Variants in WNT4 observed in about 807,000 individuals in gnomAD.
WNT4 encodes Wnt family member 4, also known as protein Wnt-4.
In WNT4, 16 loss-of-function variants were observed where a neutral mutation model predicts 34.5. The ratio of observed to expected loss-of-function variants is 0.46; its 90% confidence interval spans 0.31 to 0.70. WNT4 has a LOEUF of 0.70. Among genes scored for constraint, WNT4 ranks in the 30% least tolerant of loss-of-function variants. The probability of loss-of-function intolerance (pLI) is 0.04; values close to 1 mark genes in which losing one functional copy is unlikely to be tolerated. For synonymous variants in WNT4, 200 were observed against 211.9 expected (o/e 0.94, Z 0.49); for missense variants, 379 against 495.9 (o/e 0.76, Z 2.24).
At chr1:22,128,861 A>T (rs1318911606) in intron 2 of WNT4, among the ~76,000 whole-genome samples, 2 of 151,952 alleles carry the variant, frequency 1.3e-5, no homozygotes, top group Non-Finnish European at 2.9e-5. Context: ...CTGGGACTAC[A>T]GGCGCCCGCC....
Position 22,119,823 on chromosome 1 carries a change from T to A in WNT4, c.*227A>T. On this transcript the variant is annotated 3_prime_UTR_variant, in exon 5 of 5. Coordinates refer to ENST00000290167, the MANE Select transcript of WNT4 (RefSeq NM_030761.5). ...CGGGCAGCCAGCGGCACGAGCAAGG[T>A]CCCTTTGGTCAGTGGCAGCCACAAA... 1 of 604,308 alleles carries A rather than the reference T, an allele frequency of 1.7e-6. No individual in the cohort carries two copies. Among genetic ancestry groups the A allele is most frequent in the Non-Finnish European group, 2.9e-6 (1 of 342,794 alleles). The allele number at this position is 604,308 out of a possible 1,614,324, so 37.4% of individuals were successfully genotyped here. A position where few individuals can be genotyped will look rare whatever the true frequency, so the allele number is the denominator to read the frequency against.
Position 22,134,076 on chromosome 1 carries a change from G to C in WNT4, c.78-4225C>G, listed in dbSNP as rs1646003738. Among the ~76,000 whole-genome samples the C allele has an allele frequency of 6.6e-6, 1 of 152,272 alleles. No individual in the cohort carries two copies. ...GGGACGGGAAATAGCTGGAGCGTTTGGGAGGCCAAGCAGATCAGTGTCGTG... is the reference window on the plus strand; with the variant it reads ...GGGACGGGAAATAGCTGGAGCGTTTCGGAGGCCAAGCAGATCAGTGTCGTG... On this transcript the variant is annotated intron_variant, in intron 1 of 4. Transcript: ENST00000290167. The surrounding 1 kb of genome is among the most constrained non-coding windows in gnomAD (Gnocchi z 4.1).
chr1:22,125,823 C>T (rs1221596254), intron 2 of WNT4, among the ~76,000 whole-genome samples: 4 of 152,166 alleles, frequency 2.6e-5, no homozygotes, highest in African/African-American at 7.2e-5. Flanking sequence ...CTTTGCCAGG[C>T]GCTATGGCCT....
Position 22,122,636 on chromosome 1 carries a change from C to G in WNT4, c.314-1060G>C, listed in dbSNP as rs58543510. Reference sequence around the variant, plus strand: ...AGGGCCTCTGTACGCTGTGACTGTCCTTCTGTCTCTTGCCTGAGTGTCTGT... The same window carrying G: ...AGGGCCTCTGTACGCTGTGACTGTCGTTCTGTCTCTTGCCTGAGTGTCTGT... On this transcript the variant is annotated intron_variant, in intron 2 of 4. Coordinates refer to ENST00000290167, the MANE Select transcript of WNT4 (RefSeq NM_030761.5). 1.8e-4 allele frequency among the ~76,000 whole-genome samples: 27 copies of G among 152,146 alleles called. 1 individual carries two copies. The South Asian group carries it at 5.6e-3, about 32-fold the overall frequency.
At chr1:22,120,766 C>T (rs927935499) in intron 4 of WNT4, among the ~76,000 whole-genome samples, 1 of 152,164 alleles carries the variant, frequency 6.6e-6, no homozygotes, top group Non-Finnish European at 1.5e-5. Flanking sequence ...GGGTGGTGTC[C>T]TATCAACAGT....
At position 22,119,253 on chromosome 1, in the gene WNT4, C is replaced by T. The variant is rs1242885781; in HGVS notation, c.*797G>A. On this transcript the variant is annotated 3_prime_UTR_variant, in exon 5 of 5. Transcript: ENST00000290167. ...GTTTCAGTTTCATGGAGGAACAGCG[C>T]TGTGAAAGGTGACTCGGGCATGACT... 1 of 150,162 alleles carries T rather than the reference C, an allele frequency of 6.7e-6. No individual in the cohort carries two copies. The highest frequency in any genetic ancestry group is 1.4e-5 in the Non-Finnish European group (1 of 69,538). The allele number at this position is 150,162 out of a possible 1,614,324, so 9.3% of individuals were successfully genotyped here.
In WNT4 at chr1:22,134,582, A is replaced by C. The variant is rs559978720; in HGVS notation, c.78-4731T>G. ...CCAAATGTCATCCTTGTGTTGCTTGAAGCAAGTTAGTGAACACCTCTGAGC... is the reference window on the plus strand; with the variant it reads ...CCAAATGTCATCCTTGTGTTGCTTGCAGCAAGTTAGTGAACACCTCTGAGC... On this transcript the variant is annotated intron_variant, in intron 1 of 4. Coordinates refer to ENST00000290167, the MANE Select transcript of WNT4 (RefSeq NM_030761.5). This position sits in a 1 kb window ranked among gnomAD's most constrained non-coding sequence, Gnocchi z 4.1. Among the ~76,000 whole-genome samples the C allele has an allele frequency of 1.3e-5, 2 of 152,278 alleles. No homozygotes were observed. The highest frequency in any genetic ancestry group is 2.9e-5 in the Non-Finnish European group (2 of 67,996).
In WNT4 at chr1:22,120,380, A is replaced by C; in HGVS notation, c.726T>G (p.Thr242=). ...HALKEKFDGA[T]EVEPRRVGSS... ...AGCCCACGCGGCGTGGCTCCACCTCAGTGGCACCATCAAACTTCTCCTTCA... is the reference window on the plus strand; with the variant it reads ...AGCCCACGCGGCGTGGCTCCACCTCCGTGGCACCATCAAACTTCTCCTTCA... The change falls in exon 5 of 5, where the codon ACT becomes ACG. Residue 242 remains threonine (T), a synonymous_variant. Transcript: ENST00000290167. 1 of 1,614,160 alleles carries C rather than the reference A, an allele frequency of 6.2e-7. No homozygotes were observed. The highest frequency in any genetic ancestry group is 2.2e-5 in the East Asian group (1 of 44,878).
chr1:22,123,522 T>C (rs1324737378), intron 2 of WNT4, among the ~76,000 whole-genome samples: 5 of 152,224 alleles, frequency 3.3e-5, no homozygotes, highest in Non-Finnish European at 7.3e-5. Flanking sequence ...TACAGACAGC[T>C]TACCATGTGC....
rs930278882 is a variant in WNT4, at chr1:22,143,054, C to G, written c.-132G>C. On this transcript the variant is annotated 5_prime_UTR_variant, in exon 1 of 5. Coordinates refer to ENST00000290167, the MANE Select transcript of WNT4 (RefSeq NM_030761.5). ...GGCTCTGCCTCCGTGTGCCTGCCGG[C>G]AGCCTGCCCGCTGCTGCGCCCGCTG... The G allele has an allele frequency of 5.0e-5, 13 of 258,842 alleles. No homozygotes were observed. The highest frequency in any genetic ancestry group is 2.7e-4 in the Admixed American group (4 of 14,824). 16.0% of individuals were successfully genotyped at this position (258,842 alleles called of 1,614,324 possible). A position where few individuals can be genotyped will look rare whatever the true frequency, so the allele number is the denominator to read the frequency against.
chr1:22,120,167 G>A lies in WNT4; in HGVS notation c.939C>T (p.Arg313=), dbSNP rs144341542. ...IDGCELLCCG[R]GFHTAQVELA... ...GCTCCACCTGCGCCGTGTGGAAGCC[G>A]CGGCCACAGCACAGCAGCTCACAGC... Residue 313 remains arginine, a synonymous_variant, in exon 5 of 5, where the codon CGC becomes CGT. Transcript: ENST00000290167. The A allele has an allele frequency of 5.9e-5, 96 of 1,613,622 alleles. No homozygotes were observed. The highest frequency in any genetic ancestry group is 2.0e-4 in the Admixed American group (12 of 60,014).
At position 22,120,354 on chromosome 1, in the gene WNT4, G is replaced by A. The variant is rs1291760008; in HGVS notation, c.752C>T (p.Ser251Phe). 1.9e-6 allele frequency: 3 copies of A among 1,614,230 alleles called. 1 individual carries two copies. The South Asian group carries it at 3.3e-5, about 18-fold the overall frequency. The change falls in exon 5 of 5, where the codon TCC (serine) becomes TTC (phenylalanine). Residue 251 changes from serine to phenylalanine, a missense_variant. Ser to Phe is a radical substitution (Grantham distance 155). Coordinates refer to ENST00000290167, the MANE Select transcript of WNT4 (RefSeq NM_030761.5). ...GTTGCGTGGCACCAGTGCCCTGGAG[G>A]AGCCCACGCGGCGTGGCTCCACCTC... ...ATEVEPRRVG[S>F]SRALVPRNAQ...
rs563363918 is a variant in WNT4, at chr1:22,119,294, G to T, written c.*756C>A. ...GGGCATGACTGCAAAGGCACAGCCG[G>T]GATCCCTGGTCCAGGATGGCAGCCT... On this transcript the variant is annotated 3_prime_UTR_variant, in exon 5 of 5. Coordinates refer to ENST00000290167, the MANE Select transcript of WNT4 (RefSeq NM_030761.5). 6.5e-6 allele frequency: 1 copy of T among 152,992 alleles called. No homozygotes were observed. Among genetic ancestry groups the T allele is most frequent in the Non-Finnish European group, 1.4e-5 (1 of 69,120 alleles). The allele number at this position is 152,992 out of a possible 1,614,324, so 9.5% of individuals were successfully genotyped here.
chr1:22,138,608 T>G (rs369006022), intron 1 of WNT4, among the ~76,000 whole-genome samples: 2 of 152,226 alleles, frequency 1.3e-5, no homozygotes, highest in East Asian at 3.8e-4. Flanking sequence ...TGTGAAGTAC[T>G]GTGGGGGTGT....
At position 22,140,860 on chromosome 1, in the gene WNT4, CCT is replaced by C. The variant is rs1646060790; in HGVS notation, c.77+1984_77+1985del. Among the ~76,000 whole-genome samples the C allele has an allele frequency of 3.3e-5, 5 of 152,334 alleles. No homozygotes were observed. In the South Asian group the frequency reaches 1.0e-3, roughly 32 times the overall value. On this transcript the variant is annotated intron_variant, in intron 1 of 4. Coordinates refer to ENST00000290167, the MANE Select transcript of WNT4 (RefSeq NM_030761.5). This position sits in a 1 kb window ranked among gnomAD's most constrained non-coding sequence, Gnocchi z 5.9. ...CCGTTGCAGAGAACAGGTTTGCCAA[CCT>C]CTCTTCTCCTAGGCTGCCCCTCCTC...
Position 22,120,412 on chromosome 1 carries a change from G to T in WNT4, c.694C>A (p.His232Asn), listed in dbSNP as rs1244811010. Reference sequence around the variant, plus strand: ...CCATCAAACTTCTCCTTCAGTGCGTGACCCACCTGGCGGAAGGGCGGCACG... The same window carrying T: ...CCATCAAACTTCTCCTTCAGTGCGTTACCCACCTGGCGGAAGGGCGGCACG... ...RAVPPFRQVG[H>N]ALKEKFDGAT... The change falls in exon 5 of 5, where the codon CAC becomes AAC. Residue 232 changes from histidine to asparagine, a missense_variant. Transcript: ENST00000290167. 2 of 1,613,840 alleles carry T rather than the reference G, an allele frequency of 1.2e-6. No homozygotes were observed. Among genetic ancestry groups the T allele is most frequent in the Non-Finnish European group, 1.7e-6 (2 of 1,179,942 alleles).
At chr1:22,133,824 G>A (rs1487245612) in intron 1 of WNT4, among the ~76,000 whole-genome samples, 2 of 152,206 alleles carry the variant, frequency 1.3e-5, no homozygotes, top group East Asian at 3.9e-4. Context: ...GGCCCTCCCC[G>A]AGCCCGGCCC....
rs919970405 is a variant in WNT4 at position 22,137,663 on chromosome 1, A to G, written c.77+5183T>C. 2.6e-5 allele frequency among the ~76,000 whole-genome samples: 4 copies of G among 152,234 alleles called. No homozygotes were observed. Among genetic ancestry groups the G allele is most frequent in the African/African-American group, 9.6e-5 (4 of 41,460 alleles). ...ATTGCTAATCCAGGGCTGAGGGAAGAAAGTCAAACCATAGCAGACAGCTGG... is the reference window on the plus strand; with the variant it reads ...ATTGCTAATCCAGGGCTGAGGGAAGGAAGTCAAACCATAGCAGACAGCTGG... On this transcript the variant is annotated intron_variant, in intron 1 of 4. Coordinates refer to ENST00000290167, the MANE Select transcript of WNT4 (RefSeq NM_030761.5). The surrounding 1 kb of genome is among the most constrained non-coding windows in gnomAD (Gnocchi z 5.3).
intron 2 of WNT4, among the ~76,000 whole-genome samples, chr1:22,125,419 G>A (rs190078666): frequency 2.6e-5 from 4 of 152,324 alleles, no homozygotes; most frequent in Admixed American, 1.3e-4. Context: ...CACTGGGTCC[G>A]GTGTGATGCC....
Sources: allele counts gnomAD v4.1 joint callset (sites outside exome capture counted in the v4.1 genomes callset), GRCh38; gene constraint gnomAD v4.1.1; non-coding constraint Gnocchi (gnomAD v3.1); transcripts MANE v1.5; gene names NCBI Gene and HGNC (gene_info 2026-07-23, HGNC 2026-07-21).